Variants in SLCO1A2 observed in about 807,000 individuals in gnomAD.
The protein encoded by SLCO1A2 is solute carrier organic anion transporter family member 1A2, also known as OATP-1.
In SLCO1A2, 67 loss-of-function variants were observed where a neutral mutation model predicts 69.0. The observed-to-expected ratio is 0.97, with a 90% CI of 0.80 to 1.19. The LOEUF is 1.19. Ranked by LOEUF, SLCO1A2 falls within the 50% of genes most tolerant of loss-of-function variation. The probability of loss-of-function intolerance (pLI) is 0.00; values close to 1 mark genes in which losing one functional copy is unlikely to be tolerated. For synonymous variants in SLCO1A2, 260 were observed against 265.9 expected (o/e 0.98, Z 0.22); for missense variants, 787 against 793.7 (o/e 0.99, Z 0.10).
chr12:21,349,274 T>C (rs372811097), intron 2 of SLCO1A2, among the ~76,000 whole-genome samples: 2 of 151,790 alleles, frequency 1.3e-5, no homozygotes, highest in Non-Finnish European at 1.5e-5. Context: ...AACAGGAAAG[T>C]TGGGGAGGGG....
upstream of SLCO1A2, among the ~76,000 whole-genome samples, chr12:21,396,612 C>A (rs1941470201): frequency 6.6e-6 from 1 of 151,920 alleles, no homozygotes; most frequent in Admixed American, 6.6e-5. Context: ...ATGTTAAGGG[C>A]AGCCAGAGAG....
chr12:21,351,211 T>TG, intron 2 of SLCO1A2, among the ~76,000 whole-genome samples: 1 of 152,262 alleles, frequency 6.6e-6, no homozygotes, highest in South Asian at 2.1e-4. Flanking sequence ...ATACGTGACA[T>TG]GGCAAAATGT....
intron 2 of SLCO1A2, among the ~76,000 whole-genome samples, chr12:21,374,141 T>C (rs1940010293): frequency 6.6e-6 from 1 of 152,192 alleles, no homozygotes; most frequent in Admixed American, 6.5e-5. Flanking sequence ...GGAAGTCTTA[T>C]TACGAAAGGT....
intron 1 of SLCO1A2, among the ~76,000 whole-genome samples, chr12:21,388,341 T>C (rs1248817552): frequency 2.0e-5 from 3 of 152,078 alleles, no homozygotes; most frequent in Non-Finnish European, 4.4e-5. Context: ...TCATTTTGAA[T>C]TGTAGCTCCC....
At chr12:21,313,463 G>A (rs1031286455) in intron 4 of SLCO1A2, among the ~76,000 whole-genome samples, 5 of 152,144 alleles carry the variant, frequency 3.3e-5, no homozygotes, top group South Asian at 2.1e-4. Flanking sequence ...CTGTAATCCC[G>A]CACTTTGAGA....
chr12:21,364,195 C>A (rs2137060535), intron 2 of SLCO1A2, among the ~76,000 whole-genome samples: 1 of 152,270 alleles, frequency 6.6e-6, no homozygotes, highest in East Asian at 1.9e-4. Context: ...AAAGCTTATC[C>A]ACCATGATCA....
upstream of SLCO1A2, among the ~76,000 whole-genome samples, chr12:21,335,851 C>T (rs7980490): frequency 0.11 from 17,494 of 152,192 alleles, 1,102 homozygotes; most frequent in Non-Finnish European, 0.15. Flanking sequence ...CATGGTGCTA[C>T]GCACCAGCAT....
intron 2 of SLCO1A2, among the ~76,000 whole-genome samples, chr12:21,331,009 G>A (rs1952579662): frequency 1.3e-5 from 2 of 151,976 alleles, no homozygotes; most frequent in African/African-American, 4.8e-5. Flanking sequence ...TTTCTTTTAA[G>A]CTTTCTTACC....
At chr12:21,309,822 T>C (rs913193524) in intron 4 of SLCO1A2, among the ~76,000 whole-genome samples, 1 of 152,012 alleles carries the variant, frequency 6.6e-6, no homozygotes, top group Non-Finnish European at 1.5e-5. Context: ...TCCAAGGAAA[T>C]AGCAATGCAG....
chr12:21,405,605 G>C (rs538472489), intron 1 of SLCO1A2, among the ~76,000 whole-genome samples: 1 of 152,256 alleles, frequency 6.6e-6, no homozygotes, highest in South Asian at 2.1e-4. Flanking sequence ...ACAGAAAAGA[G>C]ATCTCAGAAA....
intron 13 of SLCO1A2, 87 bp from the exon 14 acceptor site, chr12:21,274,673 CG>C: frequency 1.0e-6 from 1 of 977,140 alleles, no homozygotes; most frequent in Non-Finnish European, 1.6e-6. Context: ...TTTATTTGTA[CG>C]GCAAAGTTTA....
At position 21,378,281 on chromosome 12, in the gene SLCO1A2, C is replaced by T. The variant is rs761079012; in HGVS notation, c.-189-3756G>A. 12 of 1,614,054 alleles carry T rather than the reference C, an allele frequency of 7.4e-6. No individual in the cohort carries two copies. The East Asian group carries it at 8.9e-5, about 12-fold the overall frequency. On this transcript the variant is annotated intron_variant, in intron 1 of 15. Coordinates refer to the SLCO1A2 transcript ENST00000307378. ...AAATGCAACACTGCCACATGTGCAA[C>T]GCAGCGCCTGGCAAATTTTTTAGTT...
At chr12:21,291,730 A>T (rs796806195) in intron 12 of SLCO1A2, among the ~76,000 whole-genome samples, 4 of 152,284 alleles carry the variant, frequency 2.6e-5, no homozygotes, top group African/African-American at 9.6e-5. Context: ...TTAAAGAAAA[A>T]TGGAGCTCAG....
At chr12:21,401,081 T>C (rs1941686271) in intron 1 of SLCO1A2, among the ~76,000 whole-genome samples, 1 of 151,740 alleles carries the variant, frequency 6.6e-6, no homozygotes. Flanking sequence ...TCCCAGCTAA[T>C]ATCATTATTA....
chr12:21,306,856 A>C, intron 5 of SLCO1A2, 26 bp downstream of exon 5: 1 of 1,552,930 alleles, frequency 6.4e-7, no homozygotes, highest in Non-Finnish European at 8.9e-7. Context: ...TCGCTGAACA[A>C]AAATCAATAC....
At chr12:21,405,729 C>T (rs1941813396) in intron 1 of SLCO1A2, among the ~76,000 whole-genome samples, 1 of 152,142 alleles carries the variant, frequency 6.6e-6, no homozygotes, top group Non-Finnish European at 1.5e-5. Context: ...AAACTGGACC[C>T]CTTCCTTACA....
chr12:21,374,447 A>G (rs1940037490), exon 2 of SLCO1A2: 2 of 152,274 alleles, frequency 1.3e-5, no homozygotes, highest in East Asian at 1.9e-4. Flanking sequence ...CATTAGAATG[A>G]TCGTCATCTT....
At chr12:21,418,237 C>G (rs1314549623), upstream of SLCO1A2, among the ~76,000 whole-genome samples, 1 of 152,116 alleles carries the variant, frequency 6.6e-6, no homozygotes, top group African/African-American at 2.4e-5. Context: ...TTCTTCCTGT[C>G]TGCAGAAAAA....
chr12:21,308,608 G>T (rs1027228755), intron 4 of SLCO1A2, among the ~76,000 whole-genome samples: 1 of 152,106 alleles, frequency 6.6e-6, no homozygotes, highest in Non-Finnish European at 1.5e-5. Flanking sequence ...AAAAATGGGG[G>T]TATTAAGTTA....
Sources: gnomAD v4.1 joint callset for allele counts (sites outside exome capture counted in the v4.1 genomes callset) on GRCh38, gnomAD v4.1.1 for gene constraint, MANE v1.5 for transcripts, NCBI Gene and HGNC (gene_info 2026-07-23, HGNC 2026-07-21) for gene names.